Variants in MACROD2 observed in about 807,000 individuals in gnomAD.
The protein encoded by MACROD2 is ADP-ribose glycohydrolase MACROD2.
In MACROD2, 36 loss-of-function variants were observed where a neutral mutation model predicts 70.4. The ratio of observed to expected loss-of-function variants is 0.51; its 90% confidence interval spans 0.39 to 0.68. The LOEUF (loss-of-function observed/expected upper bound fraction) is 0.68. Ranked by LOEUF, MACROD2 falls within the 30% of genes least tolerant of loss-of-function variation. MACROD2 has a pLI of 0.00. For missense variants in MACROD2, 496 were observed against 538.4 expected (o/e 0.92, Z 0.78); for synonymous variants, 172 against 178.8 (o/e 0.96, Z 0.30).
intron 4 of MACROD2, among the ~76,000 whole-genome samples, chr20:14,665,466 A>G (rs1304264510): frequency 2.0e-5 from 3 of 152,064 alleles, no homozygotes; most frequent in Admixed American, 6.6e-5. Flanking sequence ...TAGTTATGGA[A>G]TAGGAATATA....
At chr20:15,584,949 C>T (rs1386332537) in intron 8 of MACROD2, among the ~76,000 whole-genome samples, 4 of 152,240 alleles carry the variant, frequency 2.6e-5, no homozygotes, top group Non-Finnish European at 5.9e-5. Context: ...TTATGGATTT[C>T]TCCAACAGAC....
chr20:15,427,316 T>A lies in MACROD2; in HGVS notation c.541-4089T>A, dbSNP rs555730732. Among the ~76,000 whole-genome samples the A allele has an allele frequency of 2.8e-4, 43 of 152,306 alleles. 1 individual carries two copies. Among genetic ancestry groups the A allele is most frequent in the Middle Eastern group, 6.8e-3 (2 of 294 alleles). On this transcript the variant is annotated intron_variant, in intron 6 of 17. Coordinates refer to ENST00000684519, the MANE Select transcript of MACROD2 (RefSeq NM_001351661.2). ...GTACATTCAGACTCAATTACTAAGT[T>A]GCATGATTGATTCCAAGACAGAACT...
intron 8 of MACROD2, among the ~76,000 whole-genome samples, chr20:15,520,088 A>T (rs2047631934): frequency 6.6e-6 from 1 of 152,256 alleles, no homozygotes; most frequent in African/African-American, 2.4e-5. Flanking sequence ...TTATCATAGA[A>T]AAATGAAAAC....
intron 3 of MACROD2, among the ~76,000 whole-genome samples, chr20:14,104,733 A>G (rs1385408921): frequency 1.3e-5 from 2 of 152,232 alleles, no homozygotes; most frequent in African/African-American, 4.8e-5. Flanking sequence ...CAGAAGATGG[A>G]CTAAGCCCTC....
chr20:15,646,991 T>A (rs1216985834), intron 8 of MACROD2, among the ~76,000 whole-genome samples: 1 of 152,240 alleles, frequency 6.6e-6, no homozygotes, highest in Non-Finnish European at 1.5e-5. Context: ...ATACTGTGTG[T>A]CCTTCACCTG....
intron 3 of MACROD2, among the ~76,000 whole-genome samples, chr20:14,114,153 A>G (rs916326047): frequency 2.6e-5 from 4 of 152,116 alleles, no homozygotes; most frequent in African/African-American, 7.2e-5. Context: ...TTTACAGCCC[A>G]TTATTTTATG....
intron 3 of MACROD2, among the ~76,000 whole-genome samples, chr20:14,331,733 G>T (rs145602511): frequency 3.3e-5 from 5 of 152,002 alleles, no homozygotes; most frequent in Non-Finnish European, 5.9e-5. Context: ...CATATTAAAG[G>T]CTGCAAGGAT....
At chr20:14,166,679 C>T (rs1360705739) in intron 3 of MACROD2, among the ~76,000 whole-genome samples, 2 of 152,098 alleles carry the variant, frequency 1.3e-5, no homozygotes, top group Admixed American at 6.5e-5. Flanking sequence ...GACTTGGGCT[C>T]ACCTTCCATC....
intron 12 of MACROD2, among the ~76,000 whole-genome samples, chr20:15,944,565 C>T (rs2065795343): frequency 6.6e-6 from 1 of 152,044 alleles, no homozygotes; most frequent in Non-Finnish European, 1.5e-5. Flanking sequence ...CTTATCCAGT[C>T]TCAATTTTGA....
intron 3 of MACROD2, among the ~76,000 whole-genome samples, chr20:14,230,826 A>G (rs1569217606): frequency 6.6e-6 from 1 of 150,450 alleles, no homozygotes; most frequent in African/African-American, 2.5e-5. Context: ...AGCCCTATTA[A>G]ATGTATTTCT....
chr20:15,402,712 TA>T (rs2045946916), intron 6 of MACROD2, among the ~76,000 whole-genome samples: 1 of 152,200 alleles, frequency 6.6e-6, no homozygotes, highest in Non-Finnish European at 1.5e-5. Context: ...AAAATAGAAC[TA>T]ATTTGACACT....
At chr20:14,520,397 A>G (rs1396435858) in intron 4 of MACROD2, among the ~76,000 whole-genome samples, 1 of 151,578 alleles carries the variant, frequency 6.6e-6, no homozygotes, top group Non-Finnish European at 1.5e-5. Flanking sequence ...ACTCTGATTT[A>G]TTTCTTTGAT....
intron 4 of MACROD2, among the ~76,000 whole-genome samples, chr20:14,503,227 T>C (rs1165425114): frequency 1.3e-5 from 2 of 152,176 alleles, no homozygotes; most frequent in Non-Finnish European, 2.9e-5. Flanking sequence ...AAGAAAAACC[T>C]AGCAGAAGCT....
chr20:14,117,734 G>A (rs2054533428), intron 3 of MACROD2, among the ~76,000 whole-genome samples: 1 of 151,930 alleles, frequency 6.6e-6, no homozygotes, highest in Non-Finnish European at 1.5e-5. Flanking sequence ...CTTTTCTCAT[G>A]CCTTGTTTGC....
chr20:14,718,795 G>T (rs2071428106), intron 5 of MACROD2, among the ~76,000 whole-genome samples: 2 of 152,214 alleles, frequency 1.3e-5, no homozygotes, highest in Admixed American at 1.3e-4. Context: ...ATAGATCACA[G>T]AAAAAGAAAG....
chr20:16,013,846 G>A (rs1334225023), intron 15 of MACROD2, among the ~76,000 whole-genome samples: 1 of 152,216 alleles, frequency 6.6e-6, no homozygotes, highest in Non-Finnish European at 1.5e-5. Context: ...TTAGCAGATG[G>A]TTTTGGTCTA....
chr20:15,038,850 T>C (rs1315601228), intron 5 of MACROD2, among the ~76,000 whole-genome samples: 2 of 152,174 alleles, frequency 1.3e-5, no homozygotes, highest in African/African-American at 4.8e-5. Flanking sequence ...GGAAACATGA[T>C]ATGAAGTAGA....
chr20:15,239,184 ATTTTT>A (rs113667803), intron 6 of MACROD2, among the ~76,000 whole-genome samples: 264 of 138,024 alleles, frequency 1.9e-3, no homozygotes, highest in South Asian at 0.019. Flanking sequence ...AAATGTTCAG[ATTTTT>A]TTTTTTTTTT....
chr20:14,939,489 A>G (rs951162575), intron 5 of MACROD2, among the ~76,000 whole-genome samples: 8 of 152,052 alleles, frequency 5.3e-5, no homozygotes, highest in Non-Finnish European at 8.8e-5. Flanking sequence ...TTTGGTTACT[A>G]TAGCTCTGCA....
Sources: gnomAD v4.1 joint callset for allele counts (sites outside exome capture counted in the v4.1 genomes callset) on GRCh38, gnomAD v4.1.1 for gene constraint, MANE v1.5 for transcripts, NCBI Gene and HGNC (gene_info 2026-07-23, HGNC 2026-07-21) for gene names.